PLEKHG5: variants seen among roughly 807,000 people sequenced by gnomAD.
PLEKHG5 encodes pleckstrin homology domain-containing family G member 5.
PLEKHG5 carries 52 observed loss-of-function variants against 103.8 expected under a neutral mutation model. The ratio of observed to expected loss-of-function variants is 0.50; its 90% CI spans 0.40 to 0.63. The LOEUF (loss-of-function observed/expected upper bound fraction) is 0.63. Ranked by LOEUF, PLEKHG5 falls within the 30% of genes least tolerant of loss-of-function variation. The pLI is 0.00. For synonymous variants in PLEKHG5, 592 were observed against 575.5 expected (o/e 1.03, Z -0.41); for missense variants, 1,205 against 1,347.6 (o/e 0.89, Z 1.66).
intron 1 of PLEKHG5, chr1:6,485,384 C>T: frequency 1.4e-6 from 2 of 1,404,244 alleles, no homozygotes; most frequent in Non-Finnish European, 9.2e-7. Flanking sequence ...CCCGGAGGGG[C>T]AGCCCCGGGC....
At chr1:6,495,425 G>T (rs113480314), upstream of PLEKHG5, among the ~76,000 whole-genome samples, 8,983 of 152,178 alleles carry the variant, frequency 0.059, 264 homozygotes, top group Middle Eastern at 0.071. Flanking sequence ...GGAGGGGAGC[G>T]GGGGGTGGGG....
At chr1:6,495,043 A>AC (rs1157539357), upstream of PLEKHG5, among the ~76,000 whole-genome samples, 1 of 151,830 alleles carries the variant, frequency 6.6e-6, no homozygotes, top group Non-Finnish European at 1.5e-5. Context: ...CAGCTTGAGG[A>AC]CCCCCCCTGA....
At chr1:6,497,389 GGA>G, upstream of PLEKHG5, 1 of 1,062,666 alleles carries the variant, frequency 9.4e-7, no homozygotes, top group Non-Finnish European at 1.1e-6. The surrounding 1 kb of genome is among the most constrained non-coding windows in gnomAD (Gnocchi z 6.1). Context: ...CCGGGGACTG[GGA>G]GGCCGCAGAG....
intron 3 of PLEKHG5, 56 bp from the exon 4 acceptor site, chr1:6,475,578 G>T: frequency 1.3e-6 from 2 of 1,496,540 alleles, no homozygotes; most frequent in African/African-American, 1.4e-5. Flanking sequence ...TCGCCAGCGT[G>T]GGCGGCGAGT....
chr1:6,484,994 G>C (rs956991521), intron 1 of PLEKHG5, among the ~76,000 whole-genome samples: 1 of 152,186 alleles, frequency 6.6e-6, no homozygotes, highest in Non-Finnish European at 1.5e-5. Flanking sequence ...GCTGTGGGCA[G>C]GGCCAGGGCA....
Position 6,505,451 on chromosome 1 carries a change from A to T in PLEKHG5, c.-164-8882T>A, listed in dbSNP as rs1016466686. 6.6e-6 allele frequency among the ~76,000 whole-genome samples: 1 copy of T among 152,012 alleles called. No homozygotes were observed. Among genetic ancestry groups the T allele is most frequent in the Non-Finnish European group, 1.5e-5 (1 of 67,968 alleles). Reference sequence around the variant, plus strand: ...GCCTCCCAGTGACCCCCAAGGCATCATTATTCCCATTCACAGCTCCCCAAC... The same window carrying T: ...GCCTCCCAGTGACCCCCAAGGCATCTTTATTCCCATTCACAGCTCCCCAAC... On this transcript the variant is annotated intron_variant, in intron 1 of 21. Transcript: ENST00000377740. This position sits in a 1 kb window ranked among gnomAD's most constrained non-coding sequence, Gnocchi z 4.2.
chr1:6,492,348 A>G (rs1338495394), upstream of PLEKHG5, among the ~76,000 whole-genome samples: 1 of 152,088 alleles, frequency 6.6e-6, no homozygotes, highest in Non-Finnish European at 1.5e-5. Context: ...GACCTCGAAC[A>G]GTGCCCAGTG....
chr1:6,474,706 G>A (rs1258037162), intron 5 of PLEKHG5, 119 bp from the exon 6 acceptor site: 24 of 942,174 alleles, frequency 2.5e-5, no homozygotes, highest in East Asian at 9.5e-5. Flanking sequence ...CCTTCCCAAC[G>A]GAAAAGGGAA....
chr1:6,483,328 C>T (rs1300678974), intron 1 of PLEKHG5, among the ~76,000 whole-genome samples: 1 of 152,176 alleles, frequency 6.6e-6, no homozygotes, highest in Non-Finnish European at 1.5e-5. Flanking sequence ...ACCAGGTGCC[C>T]CCACTTCTAC....
exon 1 of PLEKHG5, chr1:6,519,645 C>T (rs1021950174): frequency 2.7e-5 from 20 of 733,182 alleles, no homozygotes; most frequent in East Asian, 1.3e-4. Context: ...GGCTTCTCCC[C>T]GACTCAGCCC....
chr1:6,501,665 C>G (rs116020031), upstream of PLEKHG5, among the ~76,000 whole-genome samples: 567 of 152,260 alleles, frequency 3.7e-3, 2 homozygotes, highest in African/African-American at 0.013. This position sits in a 1 kb window ranked among gnomAD's most constrained non-coding sequence, Gnocchi z 4.3. Flanking sequence ...GAGATTTGCC[C>G]AAGGTCACAC....
Position 6,470,490 on chromosome 1 carries a change from A to G in PLEKHG5, c.1680+16T>C, listed in dbSNP as rs764282782. The G allele has an allele frequency of 6.2e-7, 1 of 1,610,704 alleles. No individual in the cohort carries two copies. Among genetic ancestry groups the G allele is most frequent in the Non-Finnish European group, 8.5e-7 (1 of 1,179,952 alleles). ...CTCTCTCCCAGCCGGCAACCCCCGC[A>G]GACACACACGCCCACCTTGTCCACT... is the stretch of plus-strand genomic sequence containing the variant. On this transcript the variant is annotated intron_variant, in intron 15 of 20. Coordinates refer to ENST00000377728, the MANE Select transcript of PLEKHG5 (RefSeq NM_020631.6).
intron 1 of PLEKHG5, among the ~76,000 whole-genome samples, chr1:6,511,900 C>T (rs552751570): frequency 1.9e-4 from 29 of 152,342 alleles, no homozygotes; most frequent in Admixed American, 1.3e-3. Flanking sequence ...CCTTGGAAGC[C>T]GGGGAGCCCG....
chr1:6,492,391 T>C (rs1331195578), upstream of PLEKHG5, among the ~76,000 whole-genome samples: 1 of 152,058 alleles, frequency 6.6e-6, no homozygotes, highest in Non-Finnish European at 1.5e-5. Context: ...GTCCACACAC[T>C]GTCCCGTGGC....
chr1:6,505,263 G>A lies in PLEKHG5; in HGVS notation c.-164-8694C>T, dbSNP rs948591196. Among the ~76,000 whole-genome samples the A allele has an allele frequency of 1.3e-5, 2 of 151,956 alleles. No homozygotes were observed. The highest frequency in any genetic ancestry group is 2.9e-5 in the Non-Finnish European group (2 of 67,970). On this transcript the variant is annotated intron_variant, in intron 1 of 21. Coordinates refer to the PLEKHG5 transcript ENST00000377740. This position sits in a 1 kb window ranked among gnomAD's most constrained non-coding sequence, Gnocchi z 4.2. ...ACAGTGCCGGTCAGCCCACTGTGCC[G>A]ACCAGCCTACAGTACCGACCAGCCC...
Position 6,474,087 on chromosome 1 carries a change from G to C in PLEKHG5, c.517C>G (p.Arg173Gly), listed in dbSNP as rs372602993. The change falls in exon 7 of 21, where the codon CGG becomes GGG. Residue 173 changes from arginine to glycine, a missense_variant. By Grantham distance (125) the Arg-to-Gly change is moderately radical. Transcript: ENST00000377728. ...DSKSLSLPIL[R>G]PAGTGPPALE... ...GCGGGGGGCCCGGTCCCAGCTGGCC[G>C]CAGAATCGGCAAACTCAGGGACTTG... 23 of 1,612,410 alleles carry C rather than the reference G, an allele frequency of 1.4e-5. No individual in the cohort carries two copies. The highest frequency in any genetic ancestry group is 1.9e-5 in the Non-Finnish European group (23 of 1,179,610).
At chr1:6,471,162 GC>G in intron 12 of PLEKHG5, 62 bp from the exon 13 acceptor site, 1 of 1,331,384 alleles carries the variant, frequency 7.5e-7, no homozygotes, top group Non-Finnish European at 1.1e-6. Flanking sequence ...GCCGGCCCGC[GC>G]CAGGCGCTGC....
intron 19 of PLEKHG5, 142 bp downstream of exon 19, chr1:6,468,900 T>G: frequency 1.3e-6 from 1 of 780,374 alleles, no homozygotes; most frequent in South Asian, 1.5e-5. Context: ...CCACCCGGAC[T>G]CTGGGGGAGA....
Position 6,468,290 on chromosome 1 carries a change from A to T in PLEKHG5, c.2546T>A (p.Val849Asp). The change falls in exon 20 of 21, where the codon GTT becomes GAT. Residue 849 changes from valine (V) to aspartate (D), a missense_variant. Val to Asp is a radical substitution (Grantham distance 152). Transcript: ENST00000377728. ...ACGGGGCGAGGGTGGAGGGGAAGGA[A>T]CTCGTGGGGACTCTGGGGCCCGAGG... ...LVPRAPESPRVPSPPPSPRLR... is the reference protein window; with the variant it reads ...LVPRAPESPRDPSPPPSPRLR... 1.9e-6 allele frequency: 3 copies of T among 1,608,428 alleles called. No individual in the cohort carries two copies. Among genetic ancestry groups the T allele is most frequent in the Non-Finnish European group, 2.5e-6 (3 of 1,177,490 alleles).
Sources: allele counts gnomAD v4.1 joint callset (sites outside exome capture counted in the v4.1 genomes callset), GRCh38; gene constraint gnomAD v4.1.1; non-coding constraint Gnocchi (gnomAD v3.1); transcripts MANE v1.5; gene names NCBI Gene and HGNC (gene_info 2026-07-23, HGNC 2026-07-21).